Variants in ALDH3B2 observed in about 807,000 individuals in gnomAD.
The protein encoded by ALDH3B2 is aldehyde dehydrogenase 3 family member B2, also known as aldehyde dehydrogenase family 3 member B2.
ALDH3B2 carries 45 observed loss-of-function variants against 36.7 expected under a neutral mutation model. The ratio of observed to expected loss-of-function variants is 1.23; its 90% CI spans 0.97 to 1.57. The LOEUF (loss-of-function observed/expected upper bound fraction) is 1.57, where lower values mean the gene tolerates loss of function less well. Among genes scored for constraint, ALDH3B2 ranks in the 40% most tolerant of loss-of-function variants. ALDH3B2 has a pLI of 0.00. For synonymous variants in ALDH3B2, 217 were observed against 226.5 expected (o/e 0.96, Z 0.38); for missense variants, 464 against 513.3 (o/e 0.90, Z 0.93).
upstream of ALDH3B2, among the ~76,000 whole-genome samples, chr11:67,678,720 T>C (rs1011096939): frequency 6.7e-6 from 1 of 150,346 alleles, no homozygotes; most frequent in Admixed American, 6.7e-5. Flanking sequence ...TATATATATA[T>C]ATACACGCTA....
At chr11:67,668,166 C>A (rs899675736) in intron 1 of ALDH3B2, among the ~76,000 whole-genome samples, 2 of 152,162 alleles carry the variant, frequency 1.3e-5, no homozygotes, top group African/African-American at 4.8e-5. Flanking sequence ...GAAACTGAAG[C>A]CATAGGCATG....
intron 1 of ALDH3B2, among the ~76,000 whole-genome samples, chr11:67,669,762 C>CG (rs1856037893): frequency 1.2e-5 from 1 of 81,738 alleles, no homozygotes; most frequent in Non-Finnish European, 2.3e-5. Flanking sequence ...CCACGTGTGT[C>CG]TGTGTGTGTA....
At chr11:67,670,323 T>C (rs113150817) in intron 1 of ALDH3B2, among the ~76,000 whole-genome samples, 35 of 147,060 alleles carry the variant, frequency 2.4e-4, no homozygotes, top group South Asian at 6.5e-4. Flanking sequence ...TGTGTGTCCA[T>C]GTGTGTCTGT....
At chr11:67,679,718 C>A (rs1285471917), upstream of ALDH3B2, among the ~76,000 whole-genome samples, 2 of 151,058 alleles carry the variant, frequency 1.3e-5, no homozygotes, top group African/African-American at 2.4e-5. Context: ...AAAGTAAGAA[C>A]CTTTAAGTTA....
exon 7 of ALDH3B2, chr11:67,665,573 C>T (rs199538252): frequency 7.9e-5 from 128 of 1,614,026 alleles, no homozygotes; most frequent in South Asian, 6.6e-5. Context: ...TCGCAGTTGT[C>T]GTCCACGTAG....
chr11:67,664,107 A>G, intron 8 of ALDH3B2: 1 of 574,602 alleles, frequency 1.7e-6, no homozygotes, highest in Non-Finnish European at 3.1e-6. Context: ...TCTGTCCCTG[A>G]CCTCCATTCC....
At chr11:67,663,740 G>T (rs775266509) in exon 9 of ALDH3B2, 1 of 1,611,994 alleles carries the variant, frequency 6.2e-7, no homozygotes, top group Non-Finnish European at 8.5e-7. Flanking sequence ...CTGCTGGTCC[G>T]CTCCAGCATC....
intron 8 of ALDH3B2, among the ~76,000 whole-genome samples, chr11:67,664,060 C>A (rs950892046): frequency 6.6e-6 from 1 of 152,170 alleles, no homozygotes; most frequent in South Asian, 2.1e-4. Flanking sequence ...GCGGGCCCCA[C>A]CGCGACCCGC....
chr11:67,674,647 C>G (rs1472107841), upstream of ALDH3B2: 3 of 152,452 alleles, frequency 2.0e-5, no homozygotes, highest in Non-Finnish European at 1.5e-5. Flanking sequence ...TCAGTGTTAC[C>G]CAACAGGCGT....
chr11:67,668,252 G>A (rs1433774853), intron 1 of ALDH3B2, among the ~76,000 whole-genome samples: 6 of 152,116 alleles, frequency 3.9e-5, no homozygotes, highest in Non-Finnish European at 5.9e-5. Flanking sequence ...GGAAGCAGAA[G>A]CAGAGGAGAG....
At chr11:67,667,507 A>C (rs912189974) in exon 2 of ALDH3B2, 1 of 390,712 alleles carries the variant, frequency 2.6e-6, no homozygotes, top group Non-Finnish European at 4.7e-6. Flanking sequence ...GTCGCGCAGA[A>C]GCTGCTTGTT....
chr11:67,665,232 C>G lies in ALDH3B2; in HGVS notation c.706+53G>C. On this transcript the variant is annotated intron_variant, in intron 7 of 9. Transcript: ENST00000349015. Reference sequence around the variant, plus strand: ...ACTCGTGGCCCAGCCGTGGGCCCTCCATTGAGAAAGGGTCTTGGCCCAGGT... The same window carrying G: ...ACTCGTGGCCCAGCCGTGGGCCCTCGATTGAGAAAGGGTCTTGGCCCAGGT... 9 of 1,543,450 alleles carry G rather than the reference C, an allele frequency of 5.8e-6. No homozygotes were observed. The South Asian group carries it at 1.1e-4, about 20-fold the overall frequency.
chr11:67,670,596 C>A (rs756516948), intron 1 of ALDH3B2, among the ~76,000 whole-genome samples: 2 of 152,152 alleles, frequency 1.3e-5, no homozygotes, highest in Non-Finnish European at 1.5e-5. Flanking sequence ...CGCCCATGGA[C>A]AGAGCCAGCT....
chr11:67,680,583 A>T (rs1346242363), intron 1 of ALDH3B2, among the ~76,000 whole-genome samples: 1 of 151,970 alleles, frequency 6.6e-6, no homozygotes, highest in African/African-American at 2.4e-5. Flanking sequence ...GGCTCTGCTA[A>T]TTTTTGTATA....
At chr11:67,665,234 T>C (rs763003695) in intron 7 of ALDH3B2, 51 bp downstream of exon 7, 1 of 1,543,592 alleles carries the variant, frequency 6.5e-7, no homozygotes, top group Admixed American at 2.0e-5. Context: ...GGGCCCTCCA[T>C]TGAGAAAGGG....
At chr11:67,663,160 C>G (rs756612438) in exon 10 of ALDH3B2, 2 of 1,537,694 alleles carry the variant, frequency 1.3e-6, no homozygotes, top group Non-Finnish European at 8.8e-7. Flanking sequence ...AGCATAAGCC[C>G]CTCATGGCTA....
upstream of ALDH3B2, among the ~76,000 whole-genome samples, chr11:67,676,749 C>T (rs1856280629): frequency 6.6e-6 from 1 of 152,144 alleles, no homozygotes; most frequent in African/African-American, 2.4e-5. Context: ...AATAAACTCA[C>T]TGAGAAATGA....
rs141294556 is a variant in ALDH3B2 at position 67,663,853 on chromosome 11, T to C, written c.874-92A>G. On this transcript the variant is annotated intron_variant, in intron 8 of 9. Transcript: ENST00000349015. ...TCCACAGCGGAGGTGAGCCTCATCC[T>C]CACCTGCCCCTCCACCCTCTAACGG... The C allele has an allele frequency of 4.6e-4, 488 of 1,050,264 alleles. 1 individual carries two copies. In the African/African-American group the frequency reaches 7.2e-3, roughly 15 times the overall value. 65.1% of individuals were successfully genotyped at this position (1,050,264 alleles called of 1,614,324 possible).
In ALDH3B2 at chr11:67,663,766, C is replaced by A; in HGVS notation, c.874-5G>T. ...CTCCAGCATCTGGTTCACAACCTGCCAGGGAGTGAGAAGGTGGGTGTTGGG... is the reference window on the plus strand; with the variant it reads ...CTCCAGCATCTGGTTCACAACCTGCAAGGGAGTGAGAAGGTGGGTGTTGGG... On this transcript the variant is annotated splice_polypyrimidine_tract_variant and splice_region_variant and intron_variant, in intron 8 of 9. Transcript: ENST00000349015. 6.2e-7 allele frequency: 1 copy of A among 1,608,490 alleles called. No individual in the cohort carries two copies. The highest frequency in any genetic ancestry group is 1.7e-5 in the Admixed American group (1 of 59,758).
Sources: gnomAD v4.1 joint callset for allele counts (sites outside exome capture counted in the v4.1 genomes callset) on GRCh38, gnomAD v4.1.1 for gene constraint, MANE v1.5 for transcripts, NCBI Gene and HGNC (gene_info 2026-07-23, HGNC 2026-07-21) for gene names.